CFAP44: variants seen among roughly 807,000 people sequenced by gnomAD.
The protein encoded by CFAP44 is cilia- and flagella-associated protein 44.
In CFAP44, 134 loss-of-function variants were observed where a neutral mutation model predicts 216.2. That is an observed-to-expected ratio of 0.62 (90% confidence interval 0.54 to 0.72). The LOEUF (loss-of-function observed/expected upper bound fraction) is 0.72, where lower values mean the gene tolerates loss of function less well. CFAP44 is among the 30% of genes least tolerant of loss of function. CFAP44 has a pLI of 0.00. For missense variants in CFAP44, 2,035 were observed against 2,182.1 expected, an observed-to-expected ratio of 0.93 and a Z score of 1.34; for synonymous variants, 700 against 727.6, an observed-to-expected ratio of 0.96 and a Z score of 0.61.
intron 31 of CFAP44, 200 bp from the exon 32 acceptor site, chr3:113,304,317 G>T: frequency 3.4e-6 from 2 of 587,694 alleles, no homozygotes; most frequent in South Asian, 2.2e-5. Flanking sequence ...TCACGTCTCT[G>T]TGGGGATAGC....
chr3:113,344,138 C>T (rs543534098), intron 23 of CFAP44, among the ~76,000 whole-genome samples: 1 of 152,180 alleles, frequency 6.6e-6, no homozygotes, highest in Non-Finnish European at 1.5e-5. Flanking sequence ...GAATCTAAAA[C>T]GAACCACTGC....
At chr3:113,399,152 C>T (rs548488742) in intron 13 of CFAP44, among the ~76,000 whole-genome samples, 1 of 152,258 alleles carries the variant, frequency 6.6e-6, no homozygotes, top group Non-Finnish European at 1.5e-5. Context: ...GCCTAGCCTT[C>T]AAGTCATCCA....
intron 17 of CFAP44, among the ~76,000 whole-genome samples, chr3:113,378,415 G>A (rs373486767): frequency 1.3e-5 from 2 of 152,044 alleles, no homozygotes; most frequent in African/African-American, 4.8e-5. Flanking sequence ...CCTTCTTTCT[G>A]CTTGCCTCCT....
intron 18 of CFAP44, among the ~76,000 whole-genome samples, chr3:113,370,098 A>C (rs1933100337): frequency 6.6e-6 from 1 of 152,198 alleles, no homozygotes; most frequent in Admixed American, 6.5e-5. Flanking sequence ...ATACCCTACC[A>C]ACCAAAAAAA....
intron 28 of CFAP44, among the ~76,000 whole-genome samples, chr3:113,315,940 A>G (rs1175449060): frequency 6.6e-6 from 1 of 152,226 alleles, no homozygotes; most frequent in East Asian, 1.9e-4. Context: ...GATATTTTCA[A>G]TTTAAGATAG....
At chr3:113,381,181 T>A in intron 15 of CFAP44, 121 bp from the exon 16 acceptor site, 1 of 600,398 alleles carries the variant, frequency 1.7e-6, no homozygotes, top group Non-Finnish European at 2.5e-6. Flanking sequence ...CACACTTAAT[T>A]CCTCACTGCA....
intron 13 of CFAP44, among the ~76,000 whole-genome samples, chr3:113,399,442 C>T (rs1934083919): frequency 6.6e-6 from 1 of 151,560 alleles, no homozygotes; most frequent in Non-Finnish European, 1.5e-5. Flanking sequence ...ATAACATGTA[C>T]TTAACTTACT....
intron 4 of CFAP44, among the ~76,000 whole-genome samples, chr3:113,420,530 C>T (rs1934786538): frequency 6.6e-6 from 1 of 152,212 alleles, no homozygotes; most frequent in African/African-American, 2.4e-5. Flanking sequence ...TTGGGTACCA[C>T]AGGCAGCAAA....
chr3:113,398,148 A>G (rs150899816), intron 13 of CFAP44, among the ~76,000 whole-genome samples: 228 of 152,334 alleles, frequency 1.5e-3, no homozygotes, highest in Non-Finnish European at 2.0e-3. Flanking sequence ...CAGTAACTAT[A>G]GAGGCACTGG....
intron 15 of CFAP44, among the ~76,000 whole-genome samples, chr3:113,394,320 C>T (rs1263016791): frequency 1.3e-5 from 2 of 152,160 alleles, no homozygotes; most frequent in African/African-American, 4.8e-5. Flanking sequence ...TCCCCTCCCA[C>T]TCACCACCCC....
intron 22 of CFAP44, among the ~76,000 whole-genome samples, chr3:113,347,006 C>T (rs901478646): frequency 3.3e-5 from 5 of 152,226 alleles, no homozygotes; most frequent in Non-Finnish European, 5.9e-5. Context: ...AAGGAACCAA[C>T]TCTGGACACA....
Position 113,418,321 on chromosome 3 carries a change from A to G in CFAP44, c.571-1694T>C, listed in dbSNP as rs924489647. On this transcript the variant is annotated intron_variant, in intron 5 of 34. Coordinates refer to ENST00000393845, the MANE Select transcript of CFAP44 (RefSeq NM_001164496.2). The stretch of plus-strand genomic sequence containing the variant: ...AGGCTTGTCTTGAACTCCTGGCCTC[A>G]AGTGATCCACCCACCTCAGCCTCCC... Among the ~76,000 whole-genome samples the G allele has an allele frequency of 7.2e-5, 11 of 152,100 alleles. 1 individual carries two copies. Among genetic ancestry groups the G allele is most frequent in the Middle Eastern group, 3.4e-3 (1 of 294 alleles).
At chr3:113,349,057 C>T (rs1004414502) in intron 22 of CFAP44, among the ~76,000 whole-genome samples, 2 of 152,122 alleles carry the variant, frequency 1.3e-5, no homozygotes, top group South Asian at 2.1e-4. Flanking sequence ...ACTGGGACCT[C>T]GACTCAGATC....
intron 15 of CFAP44, among the ~76,000 whole-genome samples, chr3:113,390,218 T>A (rs747255907): frequency 3.9e-5 from 6 of 152,138 alleles, no homozygotes; most frequent in Non-Finnish European, 8.8e-5. Flanking sequence ...ATGTGGTACA[T>A]CATATCAACA....
At chr3:113,338,260 A>C in intron 24 of CFAP44, among the ~76,000 whole-genome samples, 1 of 144,324 alleles carries the variant, frequency 6.9e-6, no homozygotes. Context: ...TGTCTCAAAA[A>C]AAAAAAAAAA....
At chr3:113,348,168 AG>A (rs1178180286) in intron 22 of CFAP44, among the ~76,000 whole-genome samples, 3 of 152,126 alleles carry the variant, frequency 2.0e-5, no homozygotes, top group Admixed American at 6.5e-5. Context: ...TCTGATCAGC[AG>A]GGTCCAGGGA....
chr3:113,434,206 G>A (rs900819753), intron 1 of CFAP44, among the ~76,000 whole-genome samples: 2 of 152,130 alleles, frequency 1.3e-5, no homozygotes, highest in Non-Finnish European at 2.9e-5. Context: ...AAAATAATGA[G>A]TGCTACAAAA....
chr3:113,365,107 A>G (rs530518833), intron 19 of CFAP44, among the ~76,000 whole-genome samples: 2 of 152,154 alleles, frequency 1.3e-5, no homozygotes, highest in Admixed American at 6.6e-5. Flanking sequence ...TGAAATGTGG[A>G]ATAAACATTT....
intron 22 of CFAP44, among the ~76,000 whole-genome samples, chr3:113,354,942 T>G (rs887024482): frequency 6.6e-6 from 1 of 152,286 alleles, no homozygotes; most frequent in African/African-American, 2.4e-5. Context: ...TTCACTCCCC[T>G]GCTACCTCCA....
Sources: gnomAD v4.1 joint callset for allele counts (sites outside exome capture counted in the v4.1 genomes callset) on GRCh38, gnomAD v4.1.1 for gene constraint, MANE v1.5 for transcripts, NCBI Gene and HGNC (gene_info 2026-07-23, HGNC 2026-07-21) for gene names.